Variants in WDPCP observed in about 807,000 individuals in gnomAD.
The protein encoded by WDPCP is WD repeat-containing and planar cell polarity effector protein fritz homolog.
WDPCP carries 71 observed loss-of-function variants against 93.1 expected under a neutral mutation model. That is an observed-to-expected ratio of 0.76 (90% CI 0.63 to 0.93). WDPCP has a LOEUF of 0.93. Ranked by LOEUF, WDPCP falls within the 40% of genes least tolerant of loss-of-function variation. The pLI is 0.00. For synonymous variants in WDPCP, 315 were observed against 315.0 expected (o/e 1.00, Z 0.00); for missense variants, 844 against 887.4 (o/e 0.95, Z 0.62).
chr2:63,285,897 A>C (rs1683962848), intron 13 of WDPCP, among the ~76,000 whole-genome samples: 1 of 152,226 alleles, frequency 6.6e-6, no homozygotes, highest in South Asian at 2.1e-4. Flanking sequence ...CAACTGACCT[A>C]ATTATCATTT....
chr2:63,733,571 G>A lies in WDPCP; in HGVS notation n.308+80051C>T, dbSNP rs1669595542. On this transcript the variant is annotated intron_variant and non_coding_transcript_variant, in intron 2 of 4. Coordinates refer to the WDPCP transcript ENST00000467687. ...CTTTCACACAGTCCAGGCAAAGAGG[G>A]CAGAAGCATTTAGCTGGTCCTGCTC... is the stretch of plus-strand genomic sequence containing the variant. Among the ~76,000 whole-genome samples the A allele has an allele frequency of 2.0e-5, 3 of 152,176 alleles. No homozygotes were observed. The South Asian group carries it at 6.2e-4, about 32-fold the overall frequency.
chr2:63,836,786 T>C, the WDPCP span, among the ~76,000 whole-genome samples: 3 of 152,200 alleles, frequency 2.0e-5, no homozygotes, highest in Non-Finnish European at 4.4e-5. Context: ...CAGAACAGAC[T>C]AAACAGAAAA....
At chr2:63,261,041 A>C (rs1413704126) in intron 13 of WDPCP, among the ~76,000 whole-genome samples, 2 of 152,240 alleles carry the variant, frequency 1.3e-5, no homozygotes, top group East Asian at 3.8e-4. Context: ...AAAGGTTTCA[A>C]GCTAAAGTTA....
At position 63,251,333 on chromosome 2, in the gene WDPCP, C is replaced by G. The variant is rs558052826; in HGVS notation, c.1915+7974G>C. 1.1e-4 allele frequency among the ~76,000 whole-genome samples: 17 copies of G among 152,104 alleles called. No homozygotes were observed. The East Asian group carries it at 3.1e-3, about 28-fold the overall frequency. ...TACAAAAGATCCTTAGAAACTAATA[C>G]AAACATCTGAATGCACATGAACTAG... On this transcript the variant is annotated intron_variant, in intron 14 of 17. Transcript: ENST00000272321.
intron 13 of WDPCP, among the ~76,000 whole-genome samples, chr2:63,312,326 C>G (rs1246011258): frequency 1.3e-5 from 2 of 152,162 alleles, no homozygotes; most frequent in African/African-American, 2.4e-5. Flanking sequence ...AATGTCTTCA[C>G]TGTGCAAAAG....
chr2:63,327,889 C>A (rs911170764), intron 12 of WDPCP, among the ~76,000 whole-genome samples: 2 of 152,174 alleles, frequency 1.3e-5, no homozygotes, highest in East Asian at 3.9e-4. Flanking sequence ...CTACTGAGGA[C>A]CCCTGGACCA....
intron 1 of WDPCP, among the ~76,000 whole-genome samples, chr2:63,567,818 C>T (rs1182446367): frequency 1.3e-5 from 2 of 152,036 alleles, no homozygotes; most frequent in African/African-American, 4.8e-5. Context: ...TTTAGTTGAC[C>T]ATTGTTTGGC....
At chr2:63,657,210 T>TTTG (rs1337616527) in intron 2 of WDPCP, among the ~76,000 whole-genome samples, 2 of 145,858 alleles carry the variant, frequency 1.4e-5, no homozygotes, top group Admixed American at 6.8e-5. Flanking sequence ...GTGATGTTTT[T>TTTG]TTTTTTTTTT....
At chr2:63,756,700 TACTA>T (rs1669973711) in intron 2 of WDPCP, among the ~76,000 whole-genome samples, 1 of 152,108 alleles carries the variant, frequency 6.6e-6, no homozygotes, top group African/African-American at 2.4e-5. Flanking sequence ...TAAAAACAAA[TACTA>T]ACAACCTCTT....
intron 3 of WDPCP, chr2:63,622,150 G>C: frequency 1.3e-6 from 2 of 1,567,334 alleles, no homozygotes; most frequent in Non-Finnish European, 1.7e-6. Context: ...TAGCTGTCTG[G>C]GTTGCTGTGG....
chr2:63,381,778 T>C, intron 11 of WDPCP, 128 bp downstream of exon 11: 2 of 933,614 alleles, frequency 2.1e-6, no homozygotes, highest in South Asian at 1.6e-5. Flanking sequence ...TCAGTTTTAA[T>C]AGAGCACTAA....
chr2:63,554,652 CA>C (rs58105048), intron 1 of WDPCP, among the ~76,000 whole-genome samples: 118,010 of 147,242 alleles, frequency 0.8, 47,520 homozygotes, highest in East Asian at 0.98. Context: ...AACTCCGTCT[CA>C]AAAAAAAAAA....
Position 63,313,248 on chromosome 2 carries a change from C to G in WDPCP, c.1812G>C (p.Met604Ile). The G allele has an allele frequency of 1.2e-6, 2 of 1,613,294 alleles. No individual in the cohort carries two copies. Among genetic ancestry groups the G allele is most frequent in the Non-Finnish European group, 1.7e-6 (2 of 1,179,550 alleles). Reference sequence around the variant, plus strand: ...AAAATCATCTCTGAAAATGACTCACCATAAAGAGGTCACGAGCACCAACGT... The same window carrying G: ...AAAATCATCTCTGAAAATGACTCACGATAAAGAGGTCACGAGCACCAACGT... ...AVDVGARDLF[M>I]DIHYLALDKG... Residue 604 changes from methionine to isoleucine, a missense_variant and splice_region_variant, in exon 13 of 18, where the codon ATG becomes ATC. By Grantham distance (10) the Met-to-Ile change is conservative. Coordinates refer to ENST00000272321, the MANE Select transcript of WDPCP (RefSeq NM_015910.7).
chr2:63,581,196 C>T (rs1340208638), intron 1 of WDPCP, among the ~76,000 whole-genome samples: 3 of 152,128 alleles, frequency 2.0e-5, no homozygotes, highest in Non-Finnish European at 4.4e-5. Context: ...TTCCATATGT[C>T]TTTGTGTGAG....
chr2:63,588,511 T>A (rs1558853518), upstream of WDPCP: 1 of 611,220 alleles, frequency 1.6e-6, no homozygotes, highest in Non-Finnish European at 2.9e-6. Flanking sequence ...TCAATCGTTT[T>A]TTAAAAGATT....
At chr2:63,567,354 T>A (rs186140740) in intron 1 of WDPCP, among the ~76,000 whole-genome samples, 5 of 152,172 alleles carry the variant, frequency 3.3e-5, no homozygotes, top group African/African-American at 1.2e-4. Context: ...GACATTCTTA[T>A]CAACTGCAGA....
At chr2:63,128,835 A>G (rs1292123631) in intron 17 of WDPCP, among the ~76,000 whole-genome samples, 1 of 151,984 alleles carries the variant, frequency 6.6e-6, no homozygotes, top group African/African-American at 2.4e-5. Flanking sequence ...TGCCCTGCTA[A>G]TTTTGTATTT....
At chr2:63,215,134 A>T (rs1480132606) in intron 14 of WDPCP, among the ~76,000 whole-genome samples, 2 of 152,230 alleles carry the variant, frequency 1.3e-5, no homozygotes, top group Non-Finnish European at 2.9e-5. Context: ...TTTAAAGTTC[A>T]CATGGAACCA....
At chr2:63,700,641 A>C (rs1446791814) in intron 2 of WDPCP, among the ~76,000 whole-genome samples, 1 of 152,096 alleles carries the variant, frequency 6.6e-6, no homozygotes, top group East Asian at 1.9e-4. Context: ...AAAAGTTTTG[A>C]TACCCAGCAT....
Sources: allele counts gnomAD v4.1 joint callset (sites outside exome capture counted in the v4.1 genomes callset), GRCh38; gene constraint gnomAD v4.1.1; transcripts MANE v1.5; gene names NCBI Gene and HGNC (gene_info 2026-07-23, HGNC 2026-07-21).